METTL15: variants seen among roughly 807,000 people sequenced by gnomAD.
METTL15 encodes 12S rRNA N(4)-cytidine methyltransferase METTL15.
METTL15 carries 34 observed loss-of-function variants against 38.3 expected under a neutral mutation model. That is an observed-to-expected ratio of 0.89 (90% confidence interval 0.68 to 1.18). The LOEUF (loss-of-function observed/expected upper bound fraction) is 1.18, where lower values mean the gene tolerates loss of function less well. METTL15 is among the 50% of genes most tolerant of loss of function. The pLI, the probability that METTL15 is intolerant of heterozygous loss-of-function variation, is 0.00. For synonymous variants in METTL15, 162 were observed against 170.9 expected (o/e 0.95, Z 0.41); for missense variants, 438 against 498.4 (o/e 0.88, Z 1.15).
At chr11:28,176,754 CTG>C (rs887627199) in intron 3 of METTL15, among the ~76,000 whole-genome samples, 4 of 151,988 alleles carry the variant, frequency 2.6e-5, no homozygotes, top group African/African-American at 9.7e-5. Context: ...GACCTTAGCT[CTG>C]TGAGATTCAG....
chr11:28,371,332 G>A (rs535235910), intron 5 of METTL15, among the ~76,000 whole-genome samples: 27 of 152,072 alleles, frequency 1.8e-4, no homozygotes, highest in African/African-American at 5.8e-4. Context: ...AAATAAGTTG[G>A]CCATAAATGT....
At chr11:28,531,817 AATAG>A (rs907517865), downstream of METTL15, among the ~76,000 whole-genome samples, 4 of 152,070 alleles carry the variant, frequency 2.6e-5, no homozygotes, top group African/African-American at 9.7e-5. Context: ...AACAAACAGC[AATAG>A]ATAGACACAG....
intron 3 of METTL15, chr11:28,163,547 C>G: frequency 2.5e-6 from 1 of 395,602 alleles, no homozygotes. Context: ...CTCTCTCTCT[C>G]TCTCTGTGTG....
At chr11:28,118,924 T>C (rs1460615476) in intron 3 of METTL15, among the ~76,000 whole-genome samples, 1 of 152,214 alleles carries the variant, frequency 6.6e-6, no homozygotes, top group Non-Finnish European at 1.5e-5. Flanking sequence ...TAGCTGTTAC[T>C]ATGGGAATAG....
intron 5 of METTL15, among the ~76,000 whole-genome samples, chr11:28,394,940 T>C (rs1196117283): frequency 1.3e-5 from 2 of 152,108 alleles, no homozygotes; most frequent in African/African-American, 4.8e-5. Flanking sequence ...AACAATCATA[T>C]TTAAGATGCC....
chr11:28,516,048 C>A (rs149313332), intron 6 of METTL15, among the ~76,000 whole-genome samples: 1 of 152,112 alleles, frequency 6.6e-6, no homozygotes, highest in African/African-American at 2.4e-5. Flanking sequence ...TCAAGTGTAC[C>A]CTATGTTTTG....
At position 28,424,268 on chromosome 11, in the gene METTL15, T is replaced by C. The variant is rs559968530; in HGVS notation, c.*359-31T>C. 4 of 152,338 alleles carry C rather than the reference T, an allele frequency of 2.6e-5. No homozygotes were observed. The South Asian group carries it at 6.2e-4, about 24-fold the overall frequency. The allele number at this position is 152,338 out of a possible 1,614,324, so 9.4% of individuals were successfully genotyped here. On this transcript the variant is annotated intron_variant and NMD_transcript_variant, in intron 5 of 7. Coordinates refer to the METTL15 transcript ENST00000532947. The stretch of plus-strand genomic sequence containing the variant: ...GTCTAGCATGTTGCTTGTTTTCTTT[T>C]TTCCTGAACATTTGCCCTTTCTGTT...
chr11:28,373,991 T>C (rs1850276146), intron 5 of METTL15, among the ~76,000 whole-genome samples: 1 of 152,144 alleles, frequency 6.6e-6, no homozygotes, highest in Non-Finnish European at 1.5e-5. Flanking sequence ...TGCGGCGTTA[T>C]TTCTGAGGGC....
intron 6 of METTL15, among the ~76,000 whole-genome samples, chr11:28,469,840 A>T (rs1356021879): frequency 6.6e-6 from 1 of 152,064 alleles, no homozygotes; most frequent in Non-Finnish European, 1.5e-5. Context: ...TAACATAGGG[A>T]TTTTCAATTT....
In METTL15 at chr11:28,209,831, A is replaced by T. The variant is rs555198702; in HGVS notation, c.271-1231A>T. 2.0e-5 allele frequency among the ~76,000 whole-genome samples: 3 copies of T among 152,108 alleles called. No individual in the cohort carries two copies. The South Asian group carries it at 6.2e-4, about 32-fold the overall frequency. On this transcript the variant is annotated intron_variant, in intron 3 of 6. Coordinates refer to ENST00000407364, the MANE Select transcript of METTL15 (RefSeq NM_001113528.2). Reference sequence around the variant, plus strand: ...GAAATATATTCAAATCCATGACAGGAATTTCCCTTGTTATGTACTATGCAC... The same window carrying T: ...GAAATATATTCAAATCCATGACAGGTATTTCCCTTGTTATGTACTATGCAC...
At position 28,242,149 on chromosome 11, in the gene METTL15, G is replaced by T. The variant is rs545776336; in HGVS notation, c.407+30951G>T. Among the ~76,000 whole-genome samples the T allele has an allele frequency of 1.7e-4, 26 of 152,212 alleles. No individual in the cohort carries two copies. The South Asian group carries it at 5.4e-3, about 32-fold the overall frequency. On this transcript the variant is annotated intron_variant, in intron 4 of 6. Coordinates refer to ENST00000407364, the MANE Select transcript of METTL15 (RefSeq NM_001113528.2). The stretch of plus-strand genomic sequence containing the variant: ...TGAGAATGTCAGAATCAGGTATTTG[G>T]TATTTGTATAGAAGAAGTATACATA...
intron 4 of METTL15, among the ~76,000 whole-genome samples, chr11:28,268,833 T>G (rs1855533862): frequency 6.6e-6 from 1 of 152,192 alleles, no homozygotes; most frequent in Non-Finnish European, 1.5e-5. Flanking sequence ...AAGAATCACT[T>G]TGTCTTGGGG....
chr11:28,451,816 T>C (rs937860208), intron 6 of METTL15, among the ~76,000 whole-genome samples: 1 of 152,194 alleles, frequency 6.6e-6, no homozygotes, highest in African/African-American at 2.4e-5. Context: ...CTGATGGTTA[T>C]GGGTTATGGC....
chr11:28,369,988 T>A (rs962031711), intron 5 of METTL15, among the ~76,000 whole-genome samples: 36 of 152,278 alleles, frequency 2.4e-4, no homozygotes, highest in African/African-American at 8.7e-4. Context: ...ATGTAACGAT[T>A]TAATAGAGTC....
chr11:28,500,819 G>A (rs138581688), intron 6 of METTL15, among the ~76,000 whole-genome samples: 195 of 152,196 alleles, frequency 1.3e-3, no homozygotes, highest in African/African-American at 2.4e-3. Context: ...CACTGCACCC[G>A]GCTTTGAATG....
intron 3 of METTL15, among the ~76,000 whole-genome samples, chr11:28,174,952 T>A (rs1453550835): frequency 2.0e-5 from 3 of 151,818 alleles, no homozygotes; most frequent in African/African-American, 7.2e-5. Context: ...ATTTTATTAT[T>A]ATTTTTTATT....
chr11:28,469,312 C>A (rs976025667), intron 6 of METTL15, among the ~76,000 whole-genome samples: 10 of 152,070 alleles, frequency 6.6e-5, no homozygotes, highest in African/African-American at 2.2e-4. Context: ...TTAAGATATA[C>A]AATGTAATGC....
intron 4 of METTL15, among the ~76,000 whole-genome samples, chr11:28,235,529 G>A (rs2133891325): frequency 6.6e-6 from 1 of 152,262 alleles, no homozygotes; most frequent in Non-Finnish European, 1.5e-5. Context: ...CACGTCCCTT[G>A]TAAGTTGGAT....
intron 6 of METTL15, chr11:28,328,152 T>C: frequency 2.5e-6 from 4 of 1,611,756 alleles, no homozygotes; most frequent in Non-Finnish European, 3.4e-6. Flanking sequence ...AATGGACGAA[T>C]TGAATAGCAA....
Sources: allele counts gnomAD v4.1 joint callset (sites outside exome capture counted in the v4.1 genomes callset), GRCh38; gene constraint gnomAD v4.1.1; transcripts MANE v1.5; gene names NCBI Gene and HGNC (gene_info 2026-07-23, HGNC 2026-07-21).